The following DMTF1 variants were observed in gnomAD, a reference collection of about 807,000 sequenced individuals.
DMTF1 encodes the protein cyclin-D-binding Myb-like transcription factor 1.
A neutral mutation model predicts 91.1 loss-of-function variants in DMTF1; 39 were observed. The observed-to-expected ratio is 0.43, with a 90% CI of 0.33 to 0.56. The LOEUF (loss-of-function observed/expected upper bound fraction) is 0.56. Among genes scored for constraint, DMTF1 ranks in the 20% least tolerant of loss-of-function variants. The pLI, the probability that DMTF1 is intolerant of heterozygous loss-of-function variation, is 0.05. For missense variants in DMTF1, 750 were observed against 914.5 expected (o/e 0.82, Z 2.32); for synonymous variants, 338 against 309.5 (o/e 1.09, Z -0.97).
intron 17 of DMTF1, 21 bp from the exon 18 acceptor site, chr7:87,195,010 C>G (rs1463025428): frequency 1.3e-6 from 2 of 1,574,532 alleles, no homozygotes; most frequent in African/African-American, 2.7e-5. Context: ...ACATTTAAGA[C>G]TAACTTGAAA....
intron 13 of DMTF1, among the ~76,000 whole-genome samples, chr7:87,189,089 T>C (rs896368259): frequency 9.2e-5 from 14 of 152,216 alleles, no homozygotes; most frequent in Non-Finnish European, 7.4e-5. Context: ...GACTGTCCTT[T>C]ACATTGCAGG....
chr7:87,163,408 T>C (rs1793008114), intron 1 of DMTF1, 87 bp from the exon 2 acceptor site: 1 of 152,256 alleles, frequency 6.6e-6, no homozygotes, highest in African/African-American at 2.4e-5. Context: ...TCACAGAGGC[T>C]TGGGCCTAGA....
At chr7:87,156,544 C>T (rs954977499) in intron 1 of DMTF1, among the ~76,000 whole-genome samples, 2 of 152,114 alleles carry the variant, frequency 1.3e-5, no homozygotes, top group Non-Finnish European at 2.9e-5. Context: ...CGGGGCCTGG[C>T]ACCATAGTCC....
At chr7:87,190,888 TAACAA>T in intron 13 of DMTF1, 52 bp from the exon 14 acceptor site, 4 of 1,461,996 alleles carry the variant, frequency 2.7e-6, no homozygotes, top group Middle Eastern at 1.8e-4. Context: ...AAACTTAAAT[TAACAA>T]AACATTTATT....
intron 14 of DMTF1, chr7:87,192,380 TCA>T (rs1800048760): frequency 6.6e-6 from 1 of 152,120 alleles, no homozygotes; most frequent in African/African-American, 2.4e-5. Context: ...AATTGAGTCC[TCA>T]CAGAGTTCCA....
At chr7:87,177,045 T>G (rs1459080219) in intron 7 of DMTF1, among the ~76,000 whole-genome samples, 1 of 152,140 alleles carries the variant, frequency 6.6e-6, no homozygotes, top group African/African-American at 2.4e-5. Context: ...AAAATTGGAA[T>G]TGCATAAGAA....
chr7:87,182,070 CA>C lies in DMTF1; in HGVS notation c.711-151del, dbSNP rs753251996. 88 of 1,536,734 alleles carry C rather than the reference CA, an allele frequency of 5.7e-5. No individual in the cohort carries two copies. The South Asian group carries it at 9.5e-4, about 17-fold the overall frequency. On this transcript the variant is annotated intron_variant, in intron 9 of 17. Transcript: ENST00000331242. Reference sequence around the variant, plus strand: ...TTCACCCACAGACAACTGTGGACCCCAAAAAAAGGCCACACTTTCAAACTTT... The same window carrying C: ...TTCACCCACAGACAACTGTGGACCCCAAAAAAGGCCACACTTTCAAACTTT...
intron 1 of DMTF1, chr7:87,155,308 A>G (rs990364791): frequency 1.3e-5 from 2 of 152,200 alleles, no homozygotes; most frequent in African/African-American, 2.4e-5. Context: ...TAGAGACTGC[A>G]TATTTAACAC....
intron 7 of DMTF1, among the ~76,000 whole-genome samples, chr7:87,174,961 G>A (rs1795921287): frequency 6.6e-6 from 1 of 151,752 alleles, no homozygotes; most frequent in Non-Finnish European, 1.5e-5. Context: ...GAAGCCTATA[G>A]AGTTTAATTT....
chr7:87,171,620 A>G (rs1178056403), intron 5 of DMTF1, among the ~76,000 whole-genome samples: 1 of 152,178 alleles, frequency 6.6e-6, no homozygotes, highest in East Asian at 1.9e-4. Flanking sequence ...TGGGCTGAAT[A>G]TTTTAATTTC....
At position 87,194,847 on chromosome 7, in the gene DMTF1, T is replaced by C; in HGVS notation, c.2173+19T>C. The C allele has an allele frequency of 6.3e-7, 1 of 1,590,224 alleles. No homozygotes were observed. Among genetic ancestry groups the C allele is most frequent in the Non-Finnish European group, 8.6e-7 (1 of 1,168,304 alleles). ...CTAACAGGTACTGTAATATAATACT[T>C]ACTATGTGCCTGATAAATTTTAGAT... On this transcript the variant is annotated intron_variant, in intron 17 of 17. Transcript: ENST00000331242.
intron 7 of DMTF1, among the ~76,000 whole-genome samples, chr7:87,177,598 A>C (rs1194001731): frequency 6.6e-6 from 1 of 152,158 alleles, no homozygotes; most frequent in Non-Finnish European, 1.5e-5. Context: ...TTTTAACTGC[A>C]ATATCAAATG....
At chr7:87,165,534 TTACTC>T (rs1460737144) in intron 3 of DMTF1, among the ~76,000 whole-genome samples, 1 of 152,232 alleles carries the variant, frequency 6.6e-6, no homozygotes, top group Non-Finnish European at 1.5e-5. Context: ...AAGTTCATCT[TTACTC>T]AACCTAGGTT....
chr7:87,179,500 C>T, intron 7 of DMTF1, 45 bp from the exon 8 acceptor site: 15 of 1,441,738 alleles, frequency 1.0e-5, no homozygotes, highest in Non-Finnish European at 1.2e-5. Context: ...TATCCATATG[C>T]ATTTTATCAG....
At chr7:87,187,981 A>G in intron 12 of DMTF1, 111 bp from the exon 13 acceptor site, 1 of 715,200 alleles carries the variant, frequency 1.4e-6, no homozygotes, top group Non-Finnish European at 2.4e-6. Context: ...TCCAGTATGC[A>G]GTTATTTATT....
chr7:87,193,170 G>A (rs763689670), intron 14 of DMTF1, 28 bp from the exon 15 acceptor site: 7 of 1,610,944 alleles, frequency 4.3e-6, no homozygotes, highest in Non-Finnish European at 5.1e-6. Flanking sequence ...CTTAATCATT[G>A]TTAAACTATC....
At chr7:87,175,232 G>A (rs1032350955) in intron 7 of DMTF1, among the ~76,000 whole-genome samples, 5 of 151,766 alleles carry the variant, frequency 3.3e-5, no homozygotes, top group African/African-American at 1.2e-4. Context: ...TGTTGGCCAG[G>A]CTGGCCACAA....
chr7:87,194,947 A>AC, intron 17 of DMTF1, 84 bp from the exon 18 acceptor site: 1 of 1,447,588 alleles, frequency 6.9e-7, no homozygotes, highest in Non-Finnish European at 9.6e-7. Context: ...GTTGAGTTCT[A>AC]CACTGTGGTA....
At chr7:87,154,271 T>C (rs900171500) in intron 1 of DMTF1, 3 of 152,266 alleles carry the variant, frequency 2.0e-5, no homozygotes, top group African/African-American at 4.8e-5. Context: ...AAAACCATTA[T>C]GTTACAGGTG....
Sources: gnomAD v4.1 joint callset for allele counts (sites outside exome capture counted in the v4.1 genomes callset) on GRCh38, gnomAD v4.1.1 for gene constraint, MANE v1.5 for transcripts, NCBI Gene and HGNC (gene_info 2026-07-23, HGNC 2026-07-21) for gene names.